Variants in DAPK1 observed in about 807,000 individuals in gnomAD.
DAPK1 encodes the protein death associated protein kinase 1.
In DAPK1, 56 loss-of-function variants were observed where a neutral mutation model predicts 144.9. That is an observed-to-expected ratio of 0.39 (90% CI 0.31 to 0.48). The LOEUF (loss-of-function observed/expected upper bound fraction) is 0.48, where lower values mean the gene tolerates loss of function less well. Among genes scored for constraint, DAPK1 ranks in the 20% least tolerant of loss-of-function variants. The pLI is 0.95. For missense variants in DAPK1, 1,454 were observed against 1,875.4 expected, an observed-to-expected ratio of 0.78 and a Z score of 4.15; for synonymous variants, 690 against 749.0, an observed-to-expected ratio of 0.92 and a Z score of 1.29.
At chr9:87,653,168 G>A (rs13302203) in intron 17 of DAPK1, among the ~76,000 whole-genome samples, 4 of 117,908 alleles carry the variant, frequency 3.4e-5, no homozygotes, top group Admixed American at 8.2e-5. Flanking sequence ...CCCCGATCCT[G>A]GGTCCTGATT....
intron 2 of DAPK1, among the ~76,000 whole-genome samples, chr9:87,603,618 T>C (rs980804000): frequency 1.3e-5 from 2 of 152,236 alleles, no homozygotes. Flanking sequence ...TTTGTCTTCG[T>C]GTGAGGATAA....
intron 2 of DAPK1, among the ~76,000 whole-genome samples, chr9:87,549,109 G>A (rs1221816769): frequency 6.6e-6 from 1 of 151,870 alleles, no homozygotes; most frequent in Admixed American, 6.6e-5. Context: ...ATCCCCCACA[G>A]GCTTCAGTGT....
At chr9:87,611,432 A>G (rs901616332) in intron 3 of DAPK1, among the ~76,000 whole-genome samples, 1 of 152,030 alleles carries the variant, frequency 6.6e-6, no homozygotes, top group Admixed American at 6.6e-5. Context: ...ACTGGGGTGT[A>G]AGCCACTGGG....
chr9:87,672,356 G>A (rs1435000189), intron 19 of DAPK1, among the ~76,000 whole-genome samples: 1 of 152,168 alleles, frequency 6.6e-6, no homozygotes, highest in Non-Finnish European at 1.5e-5. Flanking sequence ...ATTCAAAGAG[G>A]TGAGCAACAT....
At chr9:87,589,438 C>T (rs572658901) in intron 2 of DAPK1, among the ~76,000 whole-genome samples, 2 of 152,220 alleles carry the variant, frequency 1.3e-5, no homozygotes, top group Admixed American at 6.5e-5. Context: ...GGCCCAGACT[C>T]GAGCACAGGA....
chr9:87,675,394 G>T (rs1824326581), intron 19 of DAPK1, among the ~76,000 whole-genome samples: 1 of 152,106 alleles, frequency 6.6e-6, no homozygotes, highest in African/African-American at 2.4e-5. Context: ...CAGAGGAATA[G>T]GGAGTGCAAG....
At chr9:87,632,616 G>A in intron 3 of DAPK1, 2 of 981,258 alleles carry the variant, frequency 2.0e-6, no homozygotes, top group Non-Finnish European at 2.4e-6. Flanking sequence ...AGGAATGAAG[G>A]GTGATCAGTA....
At chr9:87,597,484 T>C (rs36206539) in intron 2 of DAPK1, among the ~76,000 whole-genome samples, 55 of 152,216 alleles carry the variant, frequency 3.6e-4, no homozygotes, top group African/African-American at 1.3e-3. Flanking sequence ...AGTTTGGTGC[T>C]GCTTTTCAGC....
rs1362202422 is a variant in DAPK1, at chr9:87,499,109, A to T, written c.32A>T (p.Asp11Val). The change falls in exon 2 of 26, where the codon GAT (aspartate) becomes GTT (valine). Residue 11 changes from aspartate (D) to valine (V), a missense_variant. Around this residue, in one of 2 missense-constraint regions of DAPK1, gnomAD observed 429 missense variants for 637.5 expected, o/e 0.67. Transcript: ENST00000408954. ...GTGTTCAGGCAGGAAAACGTGGATG[A>T]TTACTACGACACCGGCGAGGAACTT... MTVFRQENVDDYYDTGEELGS... is the reference protein window; with the variant it reads MTVFRQENVDVYYDTGEELGS... The T allele has an allele frequency of 6.2e-7, 1 of 1,614,038 alleles. No homozygotes were observed. Among genetic ancestry groups the T allele is most frequent in the South Asian group, 1.1e-5 (1 of 91,072 alleles).
intron 2 of DAPK1, among the ~76,000 whole-genome samples, chr9:87,571,498 A>ACAC (rs1554684284): frequency 0.029 from 1,362 of 46,420 alleles, 217 homozygotes; most frequent in East Asian, 0.11. Context: ...CACACACCCC[A>ACAC]ACACACACAC....
chr9:87,509,685 A>G (rs1824757075), intron 2 of DAPK1, among the ~76,000 whole-genome samples: 1 of 152,180 alleles, frequency 6.6e-6, no homozygotes, highest in Non-Finnish European at 1.5e-5. Context: ...TCTTCTGTGC[A>G]CTTGGGATGG....
chr9:87,668,744 T>A (rs1831149463), intron 19 of DAPK1, 70 bp downstream of exon 19: 2 of 872,748 alleles, frequency 2.3e-6, no homozygotes, highest in East Asian at 4.8e-5. Flanking sequence ...GTCTTTTTCC[T>A]TATTTGAGAA....
At chr9:87,542,650 G>T (rs917761401) in intron 2 of DAPK1, among the ~76,000 whole-genome samples, 2 of 152,190 alleles carry the variant, frequency 1.3e-5, no homozygotes, top group Admixed American at 1.3e-4. Flanking sequence ...ACCCTCTGAG[G>T]TAGGAAAGAT....
intron 2 of DAPK1, among the ~76,000 whole-genome samples, chr9:87,575,799 A>G (rs542908942): frequency 6.6e-6 from 1 of 152,304 alleles, no homozygotes; most frequent in African/African-American, 2.4e-5. Context: ...AGAGTGGTGG[A>G]AAAATAGGAA....
chr9:87,668,507 G>A lies in DAPK1; in HGVS notation c.1924-90G>A, dbSNP rs1831135196. On this transcript the variant is annotated intron_variant, in intron 18 of 25. Transcript: ENST00000408954. The stretch of plus-strand genomic sequence containing the variant: ...CTTGCTTCTCACACCTGCTATGCTT[G>A]TTTCTGCCTCAGACCCACGGAATTG... 6.0e-6 allele frequency: 5 copies of A among 838,246 alleles called. No homozygotes were observed. In the South Asian group the frequency reaches 6.8e-5, roughly 11 times the overall value. The allele number at this position is 838,246 out of a possible 1,614,324, so 51.9% of individuals were successfully genotyped here. A position where few individuals can be genotyped will look rare whatever the true frequency, so the allele number is the denominator to read the frequency against.
intron 20 of DAPK1, among the ~76,000 whole-genome samples, chr9:87,684,062 G>A (rs1824741518): frequency 6.6e-6 from 1 of 152,230 alleles, no homozygotes; most frequent in Admixed American, 6.5e-5. Flanking sequence ...GGACTGGGCG[G>A]GTCACCAGGC....
intron 3 of DAPK1, among the ~76,000 whole-genome samples, chr9:87,606,760 T>A (rs1292233945): frequency 4.0e-5 from 4 of 99,620 alleles, no homozygotes; most frequent in Non-Finnish European, 6.2e-5. Flanking sequence ...CTTCTTTCCT[T>A]CCTTCCTCCC....
In DAPK1 at chr9:87,571,498, A is replaced by AAC. The variant is rs768913480; in HGVS notation, c.63-33427_63-33426dup. On this transcript the variant is annotated intron_variant, in intron 2 of 25. Transcript: ENST00000408954. Reference sequence around the variant, plus strand: ...ACCAACACACACACACACACACCCCAACACACACACACACACACACACACA... The same window carrying AAC: ...ACCAACACACACACACACACACCCCAACACACACACACACACACACACACACA... Among the ~76,000 whole-genome samples the AAC allele has an allele frequency of 8.8e-4, 41 of 46,476 alleles. 2 individuals carry two copies. The highest frequency in any genetic ancestry group is 2.0e-3 in the Admixed American group (7 of 3,550). 30.5% of individuals were successfully genotyped at this position (46,476 alleles called of 152,430 possible).
intron 19 of DAPK1, chr9:87,669,030 A>G (rs1328085302): frequency 4.8e-6 from 1 of 210,498 alleles, no homozygotes; most frequent in East Asian, 1.2e-4. Flanking sequence ...TTAAGCTCCT[A>G]TTTATCAAAC....
Sources: allele counts gnomAD v4.1 joint callset (sites outside exome capture counted in the v4.1 genomes callset), GRCh38; gene constraint gnomAD v4.1.1; regional missense constraint gnomAD v4.1.1; transcripts MANE v1.5; gene names NCBI Gene and HGNC (gene_info 2026-07-23, HGNC 2026-07-21).